The following TBXA2R variants were observed in gnomAD, a reference collection of about 807,000 sequenced individuals.
TBXA2R encodes the protein thromboxane A2 receptor.
A neutral mutation model predicts 15.6 loss-of-function variants in TBXA2R; 15 were observed. The observed-to-expected ratio is 0.96, with a 90% CI of 0.64 to 1.48. TBXA2R has a LOEUF of 1.48. Among genes scored for constraint, TBXA2R ranks in the 40% most tolerant of loss-of-function variants. The pLI is 0.00. For missense variants in TBXA2R, 506 were observed against 491.4 expected, an observed-to-expected ratio of 1.03 and a Z score of -0.28; for synonymous variants, 280 against 241.2, an observed-to-expected ratio of 1.16 and a Z score of -1.49.
rs759419835 is a variant in TBXA2R, at chr19:3,600,116, G to A, written c.519C>T (p.Arg173=). 1 of 1,611,602 alleles carries A rather than the reference G, an allele frequency of 6.2e-7. No individual in the cohort carries two copies. The highest frequency in any genetic ancestry group is 8.5e-7 in the Non-Finnish European group (1 of 1,179,446). The stretch of plus-strand genomic sequence containing the variant: ...AGGACCCCGGGTATTGCACGGTGTA[G>A]CGACCCACGCCCAGCAGGGGCAGCA... The part of the protein sequence containing the change: ...LGLLPLLGVG[R]YTVQYPGSWC... The change falls in exon 2 of 3, where the codon CGC becomes CGT. Residue 173 remains arginine (R), a synonymous_variant. Coordinates refer to ENST00000375190, the MANE Select transcript of TBXA2R (RefSeq NM_001060.6).
At position 3,600,641 on chromosome 19, in the gene TBXA2R, G is replaced by C. The variant is rs766489772; in HGVS notation, c.-7C>G. 3.7e-6 allele frequency: 6 copies of C among 1,611,254 alleles called. No individual in the cohort carries two copies. The highest frequency in any genetic ancestry group is 2.5e-6 in the Non-Finnish European group (3 of 1,179,324). On this transcript the variant is annotated 5_prime_UTR_variant, in exon 2 of 3. Transcript: ENST00000375190. The stretch of plus-strand genomic sequence containing the variant: ...AACTGCCGTTGGGCCACATGGCTCC[G>C]GAGCCCTGAGGGATCAGTCACCACC...
chr19:3,602,562 C>G (rs2032757533), intron 1 of TBXA2R, among the ~76,000 whole-genome samples: 1 of 151,922 alleles, frequency 6.6e-6, no homozygotes, highest in African/African-American at 2.4e-5. Flanking sequence ...CATGGTGAAA[C>G]CGCATCTCAA....
At position 3,599,906 on chromosome 19, in the gene TBXA2R, C is replaced by A. The variant is rs201798582; in HGVS notation, c.729G>T (p.Met243Ile). The A allele has an allele frequency of 1.3e-6, 2 of 1,549,642 alleles. No homozygotes were observed. Among genetic ancestry groups the A allele is most frequent in the Non-Finnish European group, 1.7e-6 (2 of 1,147,112 alleles). ...QQRPRDSEVE[M>I]MAQLLGIMVV... ...CCATGATCCCCAGGAGCTGAGCCAT[C>A]ATCTCCACCTCGGAGTCCCGGGGAC... is the stretch of plus-strand genomic sequence containing the variant. Residue 243 changes from methionine to isoleucine, a missense_variant, in exon 2 of 3, where the codon ATG becomes ATT. Met to Ile is a conservative substitution (Grantham distance 10). Transcript: ENST00000375190.
At position 3,600,729 on chromosome 19, in the gene TBXA2R, GAGA is replaced by G; in HGVS notation, c.-83-15_-83-13del. ...TGGTTCAGGCACACCTGGGAGGCGA[GAGA>G]AGATTTGCTTGTGATTAATTCTGCA... On this transcript the variant is annotated splice_polypyrimidine_tract_variant and intron_variant, in intron 1 of 2. Coordinates refer to ENST00000375190, the MANE Select transcript of TBXA2R (RefSeq NM_001060.6). 5.0e-6 allele frequency: 7 copies of G among 1,412,062 alleles called. No individual in the cohort carries two copies. Among genetic ancestry groups the G allele is most frequent in the Middle Eastern group, 1.8e-4 (1 of 5,644 alleles). The allele number at this position is 1,412,062 out of a possible 1,614,324, so 87.5% of individuals were successfully genotyped here.
At position 3,600,670 on chromosome 19, in the gene TBXA2R, T is replaced by C; in HGVS notation, c.-36A>G. The stretch of plus-strand genomic sequence containing the variant: ...CCCTGAGGGATCAGTCACCACCCCA[T>C]CAGGCCGATGCTGCAGACAGGGCAG... On this transcript the variant is annotated 5_prime_UTR_variant, in exon 2 of 3. It removes an upstream start codon present in the reference 5' UTR. Coordinates refer to ENST00000375190, the MANE Select transcript of TBXA2R (RefSeq NM_001060.6). 1 of 1,606,074 alleles carries C rather than the reference T, an allele frequency of 6.2e-7. No individual in the cohort carries two copies. Among genetic ancestry groups the C allele is most frequent in the Non-Finnish European group, 8.5e-7 (1 of 1,176,608 alleles).
In TBXA2R at chr19:3,600,677, G is replaced by A. The variant is rs201366389; in HGVS notation, c.-43C>T. The A allele has an allele frequency of 1.0e-5, 16 of 1,600,394 alleles. No individual in the cohort carries two copies. Among genetic ancestry groups the A allele is most frequent in the Admixed American group, 5.1e-5 (3 of 58,560 alleles). On this transcript the variant is annotated 5_prime_UTR_variant, in exon 2 of 3. Coordinates refer to ENST00000375190, the MANE Select transcript of TBXA2R (RefSeq NM_001060.6). ...GGATCAGTCACCACCCCATCAGGCC[G>A]ATGCTGCAGACAGGGCAGGCTGGCA... is the stretch of plus-strand genomic sequence containing the variant.
Position 3,606,860 on chromosome 19 carries a change from T to G in TBXA2R, c.-414A>C, listed in dbSNP as rs2145303793. ...GCCGCTGGCAGCCCGCGGCTCGCTC[T>G]CTCCGTCCAGTCTCTGTCTCCCGCT... On this transcript the variant is annotated 5_prime_UTR_variant, in exon 1 of 3. Transcript: ENST00000375190. 6.6e-6 allele frequency: 1 copy of G among 152,260 alleles called. No homozygotes were observed. Among genetic ancestry groups the G allele is most frequent in the South Asian group, 2.1e-4 (1 of 4,816 alleles). 9.4% of individuals were successfully genotyped at this position (152,260 alleles called of 1,614,324 possible).
chr19:3,600,477 C>T lies in TBXA2R; in HGVS notation c.158G>A (p.Arg53Gln), dbSNP rs2032711979. The change falls in exon 2 of 3, where the codon CGG becomes CAG. Residue 53 changes from arginine (R) to glutamine (Q), a missense_variant. Physicochemically the swap from Arg to Gln is conservative, Grantham distance 43 (BLOSUM62 1). Coordinates refer to ENST00000375190, the MANE Select transcript of TBXA2R (RefSeq NM_001060.6). ...LLALSVLAGA[R>Q]QGGSHTRSSF... ...GGAGCGCGTGTGCGAACCCCCCTGC[C>T]GCGCGCCCGCCAGCACGCTCAGGGC... The T allele has an allele frequency of 1.2e-6, 2 of 1,612,378 alleles. No individual in the cohort carries two copies. The highest frequency in any genetic ancestry group is 1.7e-5 in the Admixed American group (1 of 59,968).
In TBXA2R at chr19:3,600,104, T is replaced by C; in HGVS notation, c.531A>G (p.Gln177=). The change falls in exon 2 of 3, where the codon CAA becomes CAG. Residue 177 remains glutamine, a synonymous_variant. Coordinates refer to ENST00000375190, the MANE Select transcript of TBXA2R (RefSeq NM_001060.6). Reference sequence around the variant, plus strand: ...TCAGGAAGCACCAGGACCCCGGGTATTGCACGGTGTAGCGACCCACGCCCA... The same window carrying C: ...TCAGGAAGCACCAGGACCCCGGGTACTGCACGGTGTAGCGACCCACGCCCA... ...PLLGVGRYTV[Q]YPGSWCFLTL... is the part of the protein sequence containing the mutation. 1 of 1,611,986 alleles carries C rather than the reference T, an allele frequency of 6.2e-7. No homozygotes were observed. The highest frequency in any genetic ancestry group is 8.5e-7 in the Non-Finnish European group (1 of 1,179,574).
Position 3,595,893 on chromosome 19 carries a change from A to G in TBXA2R, c.827T>C (p.Met276Thr), listed in dbSNP as rs1383542557. Residue 276 changes from methionine to threonine, a missense_variant, in exon 3 of 3, where the codon ATG becomes ACG. By Grantham distance (81) the Met-to-Thr change is moderately conservative. Coordinates refer to ENST00000375190, the MANE Select transcript of TBXA2R (RefSeq NM_001060.6). ...AQTVLRNPPA[M>T]SPAGQLSRTT... The stretch of plus-strand genomic sequence containing the variant: ...GCGGGACAGCTGCCCGGCGGGGCTC[A>G]TGGCAGGCGGGTTTCGCAGCACTGT... 6.2e-7 allele frequency: 1 copy of G among 1,607,522 alleles called. No individual in the cohort carries two copies.
Position 3,595,801 on chromosome 19 carries a change from C to T in TBXA2R, c.919G>A (p.Val307Met), listed in dbSNP as rs2032590474. The T allele has an allele frequency of 3.7e-6, 6 of 1,611,582 alleles. No individual in the cohort carries two copies. The highest frequency in any genetic ancestry group is 5.1e-6 in the Non-Finnish European group (6 of 1,179,242). ...ATWNQILDPW[V>M]YILFRRAVLR... ...ACGGCGCGGCGGAACAGGATATACA[C>T]CCAGGGGTCCAGGATCTGGTTCCAG... is the stretch of plus-strand genomic sequence containing the variant. Residue 307 changes from valine to methionine, a missense_variant, in exon 3 of 3, where the codon GTG becomes ATG. Physicochemically the swap from Val to Met is conservative, Grantham distance 21. Coordinates refer to ENST00000375190, the MANE Select transcript of TBXA2R (RefSeq NM_001060.6).
chr19:3,601,757 T>C (rs1305636172), intron 1 of TBXA2R, among the ~76,000 whole-genome samples: 2 of 151,748 alleles, frequency 1.3e-5, no homozygotes, highest in South Asian at 2.1e-4. Context: ...TGAAACCCCA[T>C]CTTCACTAAA....
At chr19:3,598,931 G>A (rs2032656028) in intron 2 of TBXA2R, among the ~76,000 whole-genome samples, 2 of 152,146 alleles carry the variant, frequency 1.3e-5, no homozygotes, top group Non-Finnish European at 2.9e-5. Flanking sequence ...GCCTCACAAA[G>A]TGCTGGGATT....
rs542865241 is a variant in TBXA2R at position 3,599,282 on chromosome 19, AG to A, written c.786+566del. ...CAATCCTCCTGCCTTGACCTCTCAAAGTGCTGGGATTGCAGGCACATGCCAC... is the reference window on the plus strand; with the variant it reads ...CAATCCTCCTGCCTTGACCTCTCAAATGCTGGGATTGCAGGCACATGCCAC... On this transcript the variant is annotated intron_variant, in intron 2 of 2. Coordinates refer to ENST00000375190, the MANE Select transcript of TBXA2R (RefSeq NM_001060.6). 5.7e-3 allele frequency among the ~76,000 whole-genome samples: 869 copies of A among 151,640 alleles called. 8 individuals carry two copies. The highest frequency in any genetic ancestry group is 0.02 in the African/African-American group (825 of 41,258).
At chr19:3,603,460 G>A (rs2032776052) in intron 1 of TBXA2R, among the ~76,000 whole-genome samples, 1 of 152,206 alleles carries the variant, frequency 6.6e-6, no homozygotes, top group Admixed American at 6.5e-5. Context: ...TTTGGCGCCT[G>A]GGGTTTGGAT....
intron 2 of TBXA2R, 50 bp from the exon 3 acceptor site, chr19:3,595,983 G>A (rs56321318): frequency 4.7e-5 from 73 of 1,553,994 alleles, no homozygotes; most frequent in Non-Finnish European, 5.9e-5. Flanking sequence ...AGCCCCGCCC[G>A]CCCCGGTCCC....
intron 1 of TBXA2R, among the ~76,000 whole-genome samples, chr19:3,601,643 C>T (rs1467530944): frequency 6.6e-6 from 1 of 152,100 alleles, no homozygotes; most frequent in Non-Finnish European, 1.5e-5. Flanking sequence ...AAACCAGCTT[C>T]TGGCTGGGTG....
Position 3,595,351 on chromosome 19 carries a change from C to T in TBXA2R, c.*337G>A. On this transcript the variant is annotated 3_prime_UTR_variant, in exon 3 of 3. Transcript: ENST00000375190. ...CTGAGATTGCGCCACTGCACTCCAG[C>T]CTGGGGGACAGAGCAAGACTCCGTC... 1 of 1,357,358 alleles carries T rather than the reference C, an allele frequency of 7.4e-7. No individual in the cohort carries two copies. 84.1% of individuals were successfully genotyped at this position (1,357,358 alleles called of 1,614,324 possible).
chr19:3,596,263 C>T (rs1015929138), intron 2 of TBXA2R, among the ~76,000 whole-genome samples: 38 of 152,130 alleles, frequency 2.5e-4, no homozygotes, highest in African/African-American at 8.4e-4. Flanking sequence ...CTCCTGACCT[C>T]AGGTGATCCA....
Sources: allele counts gnomAD v4.1 joint callset (sites outside exome capture counted in the v4.1 genomes callset), GRCh38; gene constraint gnomAD v4.1.1; transcripts MANE v1.5; gene names NCBI Gene and HGNC (gene_info 2026-07-23, HGNC 2026-07-21).